SINHCAF: variants seen among roughly 807,000 people sequenced by gnomAD.
SINHCAF encodes the protein SIN3-HDAC complex associated factor, also known as SIN3-HDAC complex-associated factor.
In SINHCAF, 3 loss-of-function variants were observed where a neutral mutation model predicts 25.8. The observed-to-expected ratio is 0.12, with a 90% CI of 0.05 to 0.30. The LOEUF is 0.30. Among genes scored for constraint, SINHCAF ranks in the 10% least tolerant of loss-of-function variants. The probability of loss-of-function intolerance (pLI) is 1.00; values close to 1 mark genes in which losing one functional copy is unlikely to be tolerated. For synonymous variants in SINHCAF, 70 were observed against 85.5 expected (o/e 0.82, Z 1.00); for missense variants, 121 against 262.3 (o/e 0.46, Z 3.72).
chr12:31,312,486 T>C (rs1374007793), intron 1 of SINHCAF, among the ~76,000 whole-genome samples: 1 of 152,230 alleles, frequency 6.6e-6, no homozygotes, highest in African/African-American at 2.4e-5. Flanking sequence ...TTAACACTCA[T>C]ACCATCATTG....
chr12:31,317,931 G>C (rs780115202), intron 1 of SINHCAF, among the ~76,000 whole-genome samples: 17 of 152,168 alleles, frequency 1.1e-4, no homozygotes, highest in Non-Finnish European at 2.1e-4. Context: ...TGAAGGAGAT[G>C]CATTTCTTTA....
At chr12:31,295,773 T>C in intron 2 of SINHCAF, among the ~76,000 whole-genome samples, 1 of 151,532 alleles carries the variant, frequency 6.6e-6, no homozygotes, top group East Asian at 1.9e-4. Flanking sequence ...TCAAGAGGCT[T>C]AAGCAGGAGA....
intron 4 of SINHCAF, among the ~76,000 whole-genome samples, chr12:31,293,335 A>G (rs2137083421): frequency 6.6e-6 from 1 of 152,242 alleles, no homozygotes; most frequent in East Asian, 1.9e-4. Context: ...ATCACACAAC[A>G]CACACTGCCC....
rs191347120 is a variant in SINHCAF at position 31,295,904 on chromosome 12, G to C, written c.129-571C>G. 3.1e-3 allele frequency among the ~76,000 whole-genome samples: 475 copies of C among 151,600 alleles called. 1 individual carries two copies. The highest frequency in any genetic ancestry group is 0.031 in the Middle Eastern group (9 of 292). On this transcript the variant is annotated intron_variant, in intron 2 of 5. Coordinates refer to ENST00000337682, the MANE Select transcript of SINHCAF (RefSeq NM_001135812.2). ...AAAAAATTAAATAATTAAATAGGCTGGTGTGGTGGCTCACACCTGTAATCC... is the reference window on the plus strand; with the variant it reads ...AAAAAATTAAATAATTAAATAGGCTCGTGTGGTGGCTCACACCTGTAATCC...
At chr12:31,302,809 G>T in intron 1 of SINHCAF, 1 of 398,240 alleles carries the variant, frequency 2.5e-6, no homozygotes, top group Non-Finnish European at 3.4e-6. Flanking sequence ...AAGGATGATT[G>T]ATTCCATCCT....
intron 1 of SINHCAF, among the ~76,000 whole-genome samples, chr12:31,301,856 G>A (rs1000980835): frequency 3.9e-5 from 6 of 152,230 alleles, no homozygotes; most frequent in Admixed American, 6.5e-5. Flanking sequence ...CTGGGTGGGC[G>A]TGGCATAACT....
chr12:31,309,718 T>C lies in SINHCAF; in HGVS notation c.-20-11494A>G, dbSNP rs144351776. On this transcript the variant is annotated intron_variant, in intron 1 of 5. Transcript: ENST00000337682. The stretch of plus-strand genomic sequence containing the variant: ...TCTCACTCTGTCGCCCAGGCTGGAG[T>C]GCAATGGTGTGATCTCGGCTCACCG... 6.6e-3 allele frequency among the ~76,000 whole-genome samples: 940 copies of C among 143,380 alleles called. 18 individuals carry two copies. Among genetic ancestry groups the C allele is most frequent in the African/African-American group, 0.024 (905 of 38,312 alleles). The allele number at this position is 143,380 out of a possible 152,430, so 94.1% of individuals were successfully genotyped here. A position where few individuals can be genotyped will look rare whatever the true frequency, so the allele number is the denominator to read the frequency against.
In SINHCAF at chr12:31,293,896, A is replaced by G. The variant is rs772315693; in HGVS notation, c.264T>C (p.Thr88=). The G allele has an allele frequency of 6.2e-7, 1 of 1,613,228 alleles. No homozygotes were observed. Among genetic ancestry groups the G allele is most frequent in the East Asian group, 2.2e-5 (1 of 44,794 alleles). ...VDARAGPSLK[T]TLKPKKVKTL... ...TTTTCACTTTCTTTGGTTTCAATGT[A>G]GTCTTTAGACTGGGTCCAGCCCTTG... The change falls in exon 4 of 6, where the codon ACT becomes ACC. Residue 88 remains threonine, a synonymous_variant. Coordinates refer to ENST00000337682, the MANE Select transcript of SINHCAF (RefSeq NM_001135812.2).
intron 1 of SINHCAF, among the ~76,000 whole-genome samples, chr12:31,322,157 T>TAGAG (rs1199559794): frequency 1.3e-5 from 2 of 152,206 alleles, no homozygotes; most frequent in Admixed American, 1.3e-4. Flanking sequence ...GAGAAGGCAG[T>TAGAG]AGAGACCTTG....
intron 2 of SINHCAF, among the ~76,000 whole-genome samples, chr12:31,296,422 TCCC>T (rs1938552082): frequency 6.6e-6 from 1 of 151,874 alleles, no homozygotes; most frequent in Non-Finnish European, 1.5e-5. Context: ...CGCCTTGGCC[TCCC>T]AAAGTGCTAG....
intron 4 of SINHCAF, among the ~76,000 whole-genome samples, chr12:31,288,070 T>TA (rs953234846): frequency 2.8e-4 from 42 of 152,084 alleles, no homozygotes; most frequent in African/African-American, 9.7e-4. Context: ...GATGATCATC[T>TA]AGGGAGCTCA....
chr12:31,285,414 T>TACAC lies in SINHCAF; in HGVS notation c.506+2219_506+2220insGTGT, dbSNP rs1258167143. Among the ~76,000 whole-genome samples, 328 of 43,954 alleles carry TACAC rather than the reference T, an allele frequency of 7.5e-3. 4 individuals carry two copies. The highest frequency in any genetic ancestry group is 0.022 in the African/African-American group (304 of 13,944). The allele number at this position is 43,954 out of a possible 152,430, so 28.8% of individuals were successfully genotyped here. ...CAACATAGACATATATTTATATATA[T>TACAC]ACATACACACACACACACACACACA... On this transcript the variant is annotated intron_variant, in intron 5 of 5. Coordinates refer to ENST00000337682, the MANE Select transcript of SINHCAF (RefSeq NM_001135812.2).
rs1303072437 is a variant in SINHCAF, at chr12:31,282,636, G to A, written c.*76C>T. ...AAACTCCGTCTCAAAAAAAAAAGAGGGTCAGTTTGTAGCTTTGTGGTTTTT... is the reference window on the plus strand; with the variant it reads ...AAACTCCGTCTCAAAAAAAAAAGAGAGTCAGTTTGTAGCTTTGTGGTTTTT... On this transcript the variant is annotated 3_prime_UTR_variant, in exon 6 of 6. Coordinates refer to ENST00000337682, the MANE Select transcript of SINHCAF (RefSeq NM_001135812.2). 1 of 1,294,368 alleles carries A rather than the reference G, an allele frequency of 7.7e-7. No homozygotes were observed. The highest frequency in any genetic ancestry group is 1.6e-5 in the African/African-American group (1 of 61,660). 80.2% of individuals were successfully genotyped at this position (1,294,368 alleles called of 1,614,324 possible). A position where few individuals can be genotyped will look rare whatever the true frequency, so the allele number is the denominator to read the frequency against.
At chr12:31,295,396 A>G (rs1353123997) in intron 2 of SINHCAF, 63 bp from the exon 3 acceptor site, 2 of 1,124,056 alleles carry the variant, frequency 1.8e-6, no homozygotes, top group East Asian at 4.7e-5. Flanking sequence ...ATGCAAGCAC[A>G]TTTCTTTTGG....
chr12:31,302,143 T>C (rs1216044175), intron 1 of SINHCAF, among the ~76,000 whole-genome samples: 1 of 152,130 alleles, frequency 6.6e-6, no homozygotes, highest in East Asian at 1.9e-4. Flanking sequence ...CCATACAATC[T>C]CATCCTTAAC....
rs1321427037 is a variant in SINHCAF, at chr12:31,324,901, T to C, written c.-21+1123A>G. 4.4e-6 allele frequency: 2 copies of C among 450,338 alleles called. No individual in the cohort carries two copies. Among genetic ancestry groups the C allele is most frequent in the Non-Finnish European group, 9.0e-6 (2 of 222,478 alleles). 27.9% of individuals were successfully genotyped at this position (450,338 alleles called of 1,614,324 possible). ...GGCGGAGAGTTGGCGACTTTCACTC[T>C]GCTTTTTAAACTGGCAAGACGCCAT... On this transcript the variant is annotated intron_variant, in intron 1 of 5. Transcript: ENST00000337682. This position sits in a 1 kb window ranked among gnomAD's most constrained non-coding sequence, Gnocchi z 5.5.
At chr12:31,304,281 A>C (rs1308256114) in intron 1 of SINHCAF, 1 of 152,214 alleles carries the variant, frequency 6.6e-6, no homozygotes, top group Non-Finnish European at 1.5e-5. Flanking sequence ...AGTTGTTTAA[A>C]ACATGAGTGA....
At chr12:31,323,242 G>T (rs563211158) in intron 1 of SINHCAF, among the ~76,000 whole-genome samples, 1 of 152,176 alleles carries the variant, frequency 6.6e-6, no homozygotes, top group South Asian at 2.1e-4. Context: ...TGCCATGAGG[G>T]TTTTCTCCGA....
chr12:31,283,103 G>A (rs369399210), intron 5 of SINHCAF, among the ~76,000 whole-genome samples: 50 of 152,082 alleles, frequency 3.3e-4, no homozygotes, highest in African/African-American at 1.1e-3. Flanking sequence ...GAGGAAGACG[G>A]CATTTTGAAA....
Sources: allele counts gnomAD v4.1 joint callset (sites outside exome capture counted in the v4.1 genomes callset), GRCh38; gene constraint gnomAD v4.1.1; non-coding constraint Gnocchi (gnomAD v3.1); transcripts MANE v1.5; gene names NCBI Gene and HGNC (gene_info 2026-07-23, HGNC 2026-07-21).